The following KPNA1 variants were observed in gnomAD, a reference collection of about 807,000 sequenced individuals.
KPNA1 encodes karyopherin subunit alpha 1.
In KPNA1, 10 loss-of-function variants were observed where a neutral mutation model predicts 70.5. That is an observed-to-expected ratio of 0.14 (90% CI 0.09 to 0.24). The LOEUF (loss-of-function observed/expected upper bound fraction) is 0.24. Among genes scored for constraint, KPNA1 ranks in the 10% least tolerant of loss-of-function variants. The probability of loss-of-function intolerance (pLI) is 1.00; values close to 1 mark genes in which losing one functional copy is unlikely to be tolerated. For synonymous variants in KPNA1, 192 were observed against 221.9 expected (o/e 0.87, Z 1.20); for missense variants, 397 against 637.9 (o/e 0.62, Z 4.07).
At chr3:122,478,679 G>A (rs1422151650) in intron 2 of KPNA1, among the ~76,000 whole-genome samples, 19 of 149,420 alleles carry the variant, frequency 1.3e-4, no homozygotes, top group African/African-American at 4.0e-4. Flanking sequence ...AGTGAGCCAA[G>A]ATCGCGCCAC....
chr3:122,496,324 AC>A, intron 2 of KPNA1, 112 bp downstream of exon 2: 1 of 774,252 alleles, frequency 1.3e-6, no homozygotes. Context: ...GGGAAAACAC[AC>A]ACACACACAC....
intron 2 of KPNA1, among the ~76,000 whole-genome samples, chr3:122,494,966 T>C (rs1001180465): frequency 3.9e-5 from 6 of 152,038 alleles, no homozygotes; most frequent in African/African-American, 1.4e-4. Flanking sequence ...TGTTAAGATT[T>C]CTGAGAATAA....
chr3:122,424,100 TG>T lies in KPNA1; in HGVS notation c.*2884del, dbSNP rs2075790549. 1 of 152,190 alleles carries T rather than the reference TG, an allele frequency of 6.6e-6. No homozygotes were observed. Among genetic ancestry groups the T allele is most frequent in the Admixed American group, 6.5e-5 (1 of 15,272 alleles). The allele number at this position is 152,190 out of a possible 1,614,324, so 9.4% of individuals were successfully genotyped here. A position where few individuals can be genotyped will look rare whatever the true frequency, so the allele number is the denominator to read the frequency against. ...GCCTTTACATCCAAAATTCTCTTAA[TG>T]CTTTTTTTCCCCCACCAAAGTTCTC... is the stretch of plus-strand genomic sequence containing the variant. On this transcript the variant is annotated 3_prime_UTR_variant, in exon 14 of 14. Coordinates refer to ENST00000344337, the MANE Select transcript of KPNA1 (RefSeq NM_002264.4).
Position 122,426,794 on chromosome 3 carries a change from G to A in KPNA1, c.*191C>T, listed in dbSNP as rs994792834. On this transcript the variant is annotated 3_prime_UTR_variant, in exon 14 of 14. Coordinates refer to ENST00000344337, the MANE Select transcript of KPNA1 (RefSeq NM_002264.4). ...TTCTGGTTACCCTTTTATTAGAAGG[G>A]TATTCCACCACAGAGAGCCGGAGGT... 9 of 499,134 alleles carry A rather than the reference G, an allele frequency of 1.8e-5. No individual in the cohort carries two copies. The highest frequency in any genetic ancestry group is 3.2e-5 in the Non-Finnish European group (9 of 281,894). The allele number at this position is 499,134 out of a possible 1,614,324, so 30.9% of individuals were successfully genotyped here.
chr3:122,427,045 A>G lies in KPNA1; in HGVS notation c.1557T>C (p.Leu519=), dbSNP rs755834808. 10 of 1,614,020 alleles carry G rather than the reference A, an allele frequency of 6.2e-6. No individual in the cohort carries two copies. The East Asian group carries it at 2.0e-4, about 32-fold the overall frequency. The change falls in exon 14 of 14, where the codon CTT becomes CTC. Residue 519 remains leucine, a synonymous_variant. Transcript: ENST00000344337. ...EDSSIAPQVD[L]NQQQYIFQQC... is the part of the protein sequence containing the mutation. ...GTTGGAAGATGTACTGCTGCTGGTT[A>G]AGGTCAACCTGGGGTGCAATGCTGC...
rs142175262 is a variant in KPNA1 at position 122,448,281 on chromosome 3, T to A, written c.917+1293A>T. On this transcript the variant is annotated intron_variant, in intron 9 of 13. Coordinates refer to ENST00000344337, the MANE Select transcript of KPNA1 (RefSeq NM_002264.4). The stretch of plus-strand genomic sequence containing the variant: ...CCCAGAGGATTATAAATCATGCTAC[T>A]ACAAAGACACATCCATGTTTATTGC... Among the ~76,000 whole-genome samples, 181 of 152,294 alleles carry A rather than the reference T, an allele frequency of 1.2e-3. 1 individual carries two copies. The highest frequency in any genetic ancestry group is 4.1e-3 in the African/African-American group (171 of 41,556).
At chr3:122,466,041 A>T (rs533916435) in intron 3 of KPNA1, among the ~76,000 whole-genome samples, 2 of 152,288 alleles carry the variant, frequency 1.3e-5, no homozygotes, top group East Asian at 1.9e-4. Flanking sequence ...CTCTCTTCTT[A>T]AAAAAATTGG....
chr3:122,496,657 C>G, intron 1 of KPNA1, 87 bp from the exon 2 acceptor site: 1 of 1,212,958 alleles, frequency 8.2e-7, no homozygotes. Context: ...CATATACATG[C>G]CCAGACATAT....
chr3:122,493,193 G>GC (rs1187792212), intron 2 of KPNA1, among the ~76,000 whole-genome samples: 1 of 152,080 alleles, frequency 6.6e-6, no homozygotes, highest in African/African-American at 2.4e-5. Flanking sequence ...ACATATTATA[G>GC]TTTTTCTTCC....
intron 12 of KPNA1, among the ~76,000 whole-genome samples, chr3:122,430,743 G>A (rs1313027776): frequency 1.3e-5 from 2 of 152,142 alleles, no homozygotes; most frequent in Non-Finnish European, 2.9e-5. Flanking sequence ...ATGGAGAAAG[G>A]ATTCCACCTT....
intron 2 of KPNA1, among the ~76,000 whole-genome samples, chr3:122,468,708 G>GTGC (rs1299159840): frequency 5.9e-5 from 9 of 152,194 alleles, no homozygotes; most frequent in African/African-American, 2.2e-4. Flanking sequence ...AATGGATAAA[G>GTGC]TGGACAGCAT....
At chr3:122,456,167 A>G (rs988641459) in intron 5 of KPNA1, among the ~76,000 whole-genome samples, 1 of 152,220 alleles carries the variant, frequency 6.6e-6, no homozygotes, top group African/African-American at 2.4e-5. Flanking sequence ...CAGATTATTT[A>G]TACTAAAAAA....
intron 1 of KPNA1, among the ~76,000 whole-genome samples, chr3:122,498,895 T>C (rs1243672364): frequency 2.0e-5 from 3 of 152,212 alleles, no homozygotes; most frequent in Non-Finnish European, 4.4e-5. Flanking sequence ...AGGAGCTCTA[T>C]TTAGATCTTA....
At chr3:122,457,844 C>T (rs1406057985) in intron 5 of KPNA1, 1 of 1,289,392 alleles carries the variant, frequency 7.8e-7, no homozygotes, top group Non-Finnish European at 1.0e-6. Flanking sequence ...AAATGCCAGG[C>T]TCACCTGGAG....
At chr3:122,448,753 GAAAA>G (rs528588256) in intron 9 of KPNA1, among the ~76,000 whole-genome samples, 2 of 132,346 alleles carry the variant, frequency 1.5e-5, no homozygotes, top group African/African-American at 5.6e-5. Flanking sequence ...TTTTAAAAAA[GAAAA>G]AAAAAAAAGA....
chr3:122,439,591 GTTTC>G (rs1253732648), intron 10 of KPNA1, among the ~76,000 whole-genome samples: 1 of 152,146 alleles, frequency 6.6e-6, no homozygotes, highest in Non-Finnish European at 1.5e-5. Context: ...AATCTTTCAA[GTTTC>G]TTTATCTTAC....
intron 5 of KPNA1, among the ~76,000 whole-genome samples, chr3:122,456,475 T>TA (rs1170051138): frequency 6.6e-6 from 1 of 152,170 alleles, no homozygotes; most frequent in East Asian, 1.9e-4. Flanking sequence ...TACAGGGATA[T>TA]AGTACAGAGT....
At chr3:122,462,575 A>C (rs1242103263) in intron 4 of KPNA1, among the ~76,000 whole-genome samples, 1 of 151,746 alleles carries the variant, frequency 6.6e-6, no homozygotes, top group African/African-American at 2.4e-5. Flanking sequence ...AGAATGGTGA[A>C]AGCCCTTAAA....
At chr3:122,494,404 T>C (rs1458385383) in intron 2 of KPNA1, among the ~76,000 whole-genome samples, 1 of 152,228 alleles carries the variant, frequency 6.6e-6, no homozygotes, top group South Asian at 2.1e-4. Flanking sequence ...TTCCCCAGTA[T>C]ATACTTTTGC....
Sources: gnomAD v4.1 joint callset for allele counts (sites outside exome capture counted in the v4.1 genomes callset) on GRCh38, gnomAD v4.1.1 for gene constraint, MANE v1.5 for transcripts, NCBI Gene and HGNC (gene_info 2026-07-23, HGNC 2026-07-21) for gene names.